The following THOC2 variants were observed in gnomAD, a reference collection of about 807,000 sequenced individuals.
THOC2 encodes THO complex subunit 2.
A neutral mutation model predicts 128.4 loss-of-function variants in THOC2; 10 were observed. The ratio of observed to expected loss-of-function variants is 0.08; its 90% CI spans 0.05 to 0.13. The LOEUF (loss-of-function observed/expected upper bound fraction) is 0.13. THOC2 is among the 10% of genes least tolerant of loss of function. The pLI, the probability that THOC2 is intolerant of heterozygous loss-of-function variation, is 1.00. For missense variants in THOC2, 535 were observed against 1,155.7 expected (o/e 0.46, Z 7.79); for synonymous variants, 393 against 396.9 (o/e 0.99, Z 0.12).
intron 38 of THOC2, among the ~76,000 whole-genome samples, chrX:123,610,600 C>G (rs2046667199): frequency 1.8e-5 from 2 of 111,185 alleles, no homozygotes; most frequent in African/African-American, 6.5e-5. Flanking sequence ...CCACCATTTA[C>G]AAGGCAATAA....
intron 2 of THOC2, 24 bp from the exon 3 acceptor site, chrX:123,706,973 GT>G: frequency 1.2e-6 from 1 of 841,547 alleles, no homozygotes; most frequent in South Asian, 3.1e-5. Context: ...GAGAAATAAT[GT>G]AAGGATACAG....
At chrX:123,684,473 T>G (rs972303679) in intron 8 of THOC2, among the ~76,000 whole-genome samples, 6 of 111,676 alleles carry the variant, frequency 5.4e-5, no homozygotes, top group African/African-American at 2.0e-4. Flanking sequence ...AACCTCCACC[T>G]CCCAGGTTCA....
At chrX:123,645,414 G>T in intron 12 of THOC2, 39 bp from the exon 13 acceptor site, 2 of 867,824 alleles carry the variant, frequency 2.3e-6, no homozygotes. Context: ...ATACAAAAAG[G>T]TTAAGATTAT....
At chrX:123,614,414 C>T (rs1225807887) in intron 33 of THOC2, among the ~76,000 whole-genome samples, 1 of 110,431 alleles carries the variant, frequency 9.1e-6, no homozygotes, top group Non-Finnish European at 1.9e-5. Flanking sequence ...TTCATTTGTG[C>T]CTCAACTGAG....
chrX:123,676,491 T>TAAAAAAAAAAAAA (rs768528667), intron 8 of THOC2, among the ~76,000 whole-genome samples: 1 of 111,395 alleles, frequency 9.0e-6, no homozygotes, highest in Non-Finnish European at 1.9e-5. Flanking sequence ...TAGAATATAG[T>TAAAAAAAAAAAAA]AAAAAAAACT....
At position 123,614,091 on chromosome X, in the gene THOC2, T is replaced by A; in HGVS notation, c.4410A>T (p.Arg1470Ser). ...LDKSRERSRE[R>S]EKKDEKDRKE... The stretch of plus-strand genomic sequence containing the variant: ...TCCTGTCCTTTTCATCTTTTTTCTC[T>A]CTTTCTCTGGATCTTTCCCTTGACT... The change falls in exon 34 of 39, where the codon AGA (arginine) becomes AGT (serine). Residue 1470 changes from arginine (R) to serine (S), a missense_variant. Arg to Ser is a moderately radical substitution (Grantham distance 110, BLOSUM62 -1). Transcript: ENST00000245838. 8.3e-7 allele frequency: 1 copy of A among 1,208,249 alleles called. No individual in the cohort carries two copies. The highest frequency in any genetic ancestry group is 1.1e-6 in the Non-Finnish European group (1 of 894,078).
chrX:123,640,448 A>G, intron 16 of THOC2, 90 bp downstream of exon 16: 1 of 634,930 alleles, frequency 1.6e-6, no homozygotes, highest in Non-Finnish European at 2.4e-6. Context: ...ACAATGTTTC[A>G]TTTTCTAACA....
At chrX:123,676,361 T>C (rs1168469302) in intron 8 of THOC2, among the ~76,000 whole-genome samples, 2 of 112,045 alleles carry the variant, frequency 1.8e-5, no homozygotes, top group African/African-American at 6.5e-5. Context: ...CCTCTAGCAT[T>C]AGCAACCTGC....
chrX:123,712,831 A>T lies in THOC2; in HGVS notation c.130+19T>A, dbSNP rs181749437. The T allele has an allele frequency of 1.4e-3, 1,454 of 1,067,915 alleles. 15 individuals carry two copies. The African/African-American group carries it at 0.024, about 18-fold the overall frequency. 88.0% of individuals were successfully genotyped at this position (1,067,915 alleles called of 1,213,427 possible). ...TAATTTTAATCAAGAAATAACTAAG[A>T]TACTTTTAAAAATCTTACCTCTGTA... is the stretch of plus-strand genomic sequence containing the variant. On this transcript the variant is annotated intron_variant, in intron 2 of 38. Transcript: ENST00000245838.
rs186808533 is a variant in THOC2, at chrX:123,636,944, G to A, written c.1922-769C>T. Among the ~76,000 whole-genome samples, 107 of 112,208 alleles carry A rather than the reference G, an allele frequency of 9.5e-4. 1 individual carries two copies. The highest frequency in any genetic ancestry group is 1.9e-3 in the Admixed American group (20 of 10,561). ...CAAAAGGCTCCATGGGAATATAAAAGAGGAGCGCCCAATTCAGACTTGTGG... is the reference window on the plus strand; with the variant it reads ...CAAAAGGCTCCATGGGAATATAAAAAAGGAGCGCCCAATTCAGACTTGTGG... On this transcript the variant is annotated intron_variant, in intron 18 of 38. Coordinates refer to ENST00000245838, the MANE Select transcript of THOC2 (RefSeq NM_001081550.2).
chrX:123,641,731 A>G (rs2047921005), intron 15 of THOC2, among the ~76,000 whole-genome samples: 1 of 111,277 alleles, frequency 9.0e-6, no homozygotes. Context: ...TTAAAGAAAT[A>G]TTTTCTTGTC....
At chrX:123,643,954 A>T (rs1241222804) in intron 15 of THOC2, among the ~76,000 whole-genome samples, 2 of 112,322 alleles carry the variant, frequency 1.8e-5, no homozygotes, top group African/African-American at 6.5e-5. Flanking sequence ...CTCGTTGAAA[A>T]CACTTGCAAT....
rs2047751591 is a variant in THOC2, at chrX:123,638,244, A to G, written c.1841-121T>C. 12 of 418,421 alleles carry G rather than the reference A, an allele frequency of 2.9e-5. No individual in the cohort carries two copies. The South Asian group carries it at 6.6e-4, about 23-fold the overall frequency. The allele number at this position is 418,421 out of a possible 1,213,427, so 34.5% of individuals were successfully genotyped here. Reference sequence around the variant, plus strand: ...TTACAAATTATTTTTCTAGTTTTCCAAGACCAGGGATGTTGCTAAAACTAA... The same window carrying G: ...TTACAAATTATTTTTCTAGTTTTCCGAGACCAGGGATGTTGCTAAAACTAA... On this transcript the variant is annotated intron_variant, in intron 17 of 38. Coordinates refer to ENST00000245838, the MANE Select transcript of THOC2 (RefSeq NM_001081550.2).
chrX:123,652,182 A>G (rs1483011515), intron 12 of THOC2, among the ~76,000 whole-genome samples: 3 of 112,095 alleles, frequency 2.7e-5, no homozygotes, highest in African/African-American at 9.7e-5. Context: ...GACAAAAACT[A>G]CCTGATTATC....
At chrX:123,695,923 A>AC in intron 7 of THOC2, 98 bp downstream of exon 7, 1 of 572,816 alleles carries the variant, frequency 1.7e-6, no homozygotes, top group Non-Finnish European at 2.6e-6. Context: ...GAAAAAAAAA[A>AC]TAGATGGAAT....
chrX:123,620,770 A>T, intron 32 of THOC2, 137 bp downstream of exon 32: 1 of 533,665 alleles, frequency 1.9e-6, no homozygotes, highest in African/African-American at 2.4e-5. Flanking sequence ...AATATAGAAA[A>T]ATTCATTTTC....
chrX:123,664,512 AAAAC>A (rs1261836111), intron 12 of THOC2, among the ~76,000 whole-genome samples: 1 of 112,344 alleles, frequency 8.9e-6, no homozygotes, highest in Non-Finnish European at 1.9e-5. Context: ...TTTAGAAGAA[AAAAC>A]AAACAACCCC....
intron 7 of THOC2, among the ~76,000 whole-genome samples, chrX:123,694,520 A>G (rs2050365297): frequency 9.1e-6 from 1 of 109,735 alleles, no homozygotes; most frequent in Non-Finnish European, 1.9e-5. Flanking sequence ...AGGCAGGAGA[A>G]CTGCTTGAAC....
At chrX:123,641,815 G>T (rs377663672) in intron 15 of THOC2, among the ~76,000 whole-genome samples, 10 of 111,923 alleles carry the variant, frequency 8.9e-5, no homozygotes, top group African/African-American at 3.2e-4. Flanking sequence ...ATTACTAAAT[G>T]CCCTATAGCA....
Sources: allele counts gnomAD v4.1 joint callset (sites outside exome capture counted in the v4.1 genomes callset), GRCh38; gene constraint gnomAD v4.1.1; transcripts MANE v1.5; gene names NCBI Gene and HGNC (gene_info 2026-07-23, HGNC 2026-07-21).